FOXO1: variants seen among roughly 807,000 people sequenced by gnomAD.
The protein encoded by FOXO1 is forkhead box protein O1.
FOXO1 carries 6 observed loss-of-function variants against 44.1 expected under a neutral mutation model. The ratio of observed to expected loss-of-function variants is 0.14; its 90% CI spans 0.07 to 0.27. The LOEUF (loss-of-function observed/expected upper bound fraction) is 0.27, where lower values mean the gene tolerates loss of function less well. FOXO1 is among the 10% of genes least tolerant of loss of function. The pLI is 1.00. For missense variants in FOXO1, 737 were observed against 888.8 expected, an observed-to-expected ratio of 0.83 and a Z score of 2.17; for synonymous variants, 380 against 362.7, an observed-to-expected ratio of 1.05 and a Z score of -0.54.
At chr13:40,601,326 A>T (rs1184208740) in intron 1 of FOXO1, among the ~76,000 whole-genome samples, 1 of 152,236 alleles carries the variant, frequency 6.6e-6, no homozygotes, top group Non-Finnish European at 1.5e-5. Flanking sequence ...TGCTGTTAAT[A>T]GTATTTTACA....
At position 40,557,806 on chromosome 13, in the gene FOXO1, G is replaced by C. The variant is rs536241100; in HGVS notation, c.*1243C>G. On this transcript the variant is annotated 3_prime_UTR_variant, in exon 3 of 3. Transcript: ENST00000379561. ...CGTTTGACAAAGGACCATTGCTTTA[G>C]ATGCAGATCTCCCTTTTCTGATCTA... 1 of 152,308 alleles carries C rather than the reference G, an allele frequency of 6.6e-6. No individual in the cohort carries two copies. Among genetic ancestry groups the C allele is most frequent in the East Asian group, 1.9e-4 (1 of 5,190 alleles). 9.4% of individuals were successfully genotyped at this position (152,308 alleles called of 1,614,324 possible). A position where few individuals can be genotyped will look rare whatever the true frequency, so the allele number is the denominator to read the frequency against.
At chr13:40,597,073 A>G (rs1875607290) in intron 1 of FOXO1, among the ~76,000 whole-genome samples, 1 of 152,218 alleles carries the variant, frequency 6.6e-6, no homozygotes, top group Non-Finnish European at 1.5e-5. Flanking sequence ...ATAAGAATGG[A>G]CTGCTCTTTT....
rs547549340 is a variant in FOXO1, at chr13:40,630,699, G to T, written c.630+34884C>A. On this transcript the variant is annotated intron_variant, in intron 1 of 2. Coordinates refer to ENST00000379561, the MANE Select transcript of FOXO1 (RefSeq NM_002015.4). ...GGAAAAGCTTGTCACTTAATGACTG[G>T]CCTGGCAAATAGGGAAAGAGCCTAA... 2.6e-5 allele frequency among the ~76,000 whole-genome samples: 4 copies of T among 151,720 alleles called. No individual in the cohort carries two copies. The South Asian group carries it at 8.3e-4, about 32-fold the overall frequency.
chr13:40,578,315 G>A (rs1264429163), intron 1 of FOXO1, among the ~76,000 whole-genome samples: 1 of 152,112 alleles, frequency 6.6e-6, no homozygotes, highest in Non-Finnish European at 1.5e-5. Context: ...ACCTAACAAA[G>A]CTGACAACTG....
chr13:40,570,016 C>G lies in FOXO1; in HGVS notation c.631-9156G>C, dbSNP rs75013211. On this transcript the variant is annotated intron_variant, in intron 1 of 2. Transcript: ENST00000379561. ...CTATTTACTTTATGGAAAACAAACT[C>G]TAAAAGAGCCCCTAGGCCAGGCGCA... Among the ~76,000 whole-genome samples, 1,141 of 152,158 alleles carry G rather than the reference C, an allele frequency of 7.5e-3. 12 individuals are homozygous for G. Among genetic ancestry groups the G allele is most frequent in the Middle Eastern group, 0.031 (9 of 294 alleles).
chr13:40,580,961 C>T (rs1013043296), intron 1 of FOXO1, among the ~76,000 whole-genome samples: 3 of 152,202 alleles, frequency 2.0e-5, no homozygotes, highest in East Asian at 1.9e-4. Context: ...AAATACCCGG[C>T]GCTTCCGCTA....
At chr13:40,633,470 C>T (rs926141481) in intron 1 of FOXO1, among the ~76,000 whole-genome samples, 7 of 152,082 alleles carry the variant, frequency 4.6e-5, no homozygotes, top group East Asian at 1.9e-4. Context: ...CATGCTACCA[C>T]GGGAATAAAC....
intron 1 of FOXO1, among the ~76,000 whole-genome samples, chr13:40,587,437 T>C (rs1481161129): frequency 6.6e-6 from 1 of 152,132 alleles, no homozygotes; most frequent in Non-Finnish European, 1.5e-5. Flanking sequence ...GTTTTAAACT[T>C]CCCCTTCAAA....
At chr13:40,603,434 T>C (rs1410011791) in intron 1 of FOXO1, among the ~76,000 whole-genome samples, 1 of 151,250 alleles carries the variant, frequency 6.6e-6, no homozygotes, top group Non-Finnish European at 1.5e-5. Context: ...AAAGTATGTA[T>C]ACCTTATATA....
At chr13:40,620,083 G>C (rs909216387) in intron 1 of FOXO1, 1 of 1,014,216 alleles carries the variant, frequency 9.9e-7, no homozygotes, top group Non-Finnish European at 1.5e-6. Flanking sequence ...TATAACTCAA[G>C]TCTTTTTAGA....
chr13:40,615,790 G>C (rs1876404377), intron 1 of FOXO1, among the ~76,000 whole-genome samples: 1 of 152,196 alleles, frequency 6.6e-6, no homozygotes, highest in Admixed American at 6.5e-5. Context: ...GGCGTGAAAG[G>C]AGGCCAAGTG....
At chr13:40,653,442 G>C (rs936279932) in intron 1 of FOXO1, among the ~76,000 whole-genome samples, 3 of 152,160 alleles carry the variant, frequency 2.0e-5, no homozygotes, top group Non-Finnish European at 4.4e-5. Flanking sequence ...CAGAGGAAAT[G>C]CACTAATTTT....
chr13:40,626,393 GACCTC>G (rs1876786328), intron 1 of FOXO1, among the ~76,000 whole-genome samples: 1 of 152,224 alleles, frequency 6.6e-6, no homozygotes, highest in Non-Finnish European at 1.5e-5. Flanking sequence ...AAAGCCTAAT[GACCTC>G]TAAAGCTGTC....
chr13:40,629,648 A>G (rs1472393877), intron 1 of FOXO1, among the ~76,000 whole-genome samples: 1 of 152,190 alleles, frequency 6.6e-6, no homozygotes, highest in Non-Finnish European at 1.5e-5. Flanking sequence ...ATTTCCTTTG[A>G]GCATCATGTT....
chr13:40,607,606 G>C (rs1025699549), intron 1 of FOXO1, among the ~76,000 whole-genome samples: 29 of 152,130 alleles, frequency 1.9e-4, no homozygotes, highest in Admixed American at 1.8e-3. Context: ...CACAGCATTC[G>C]ACAGTCATTA....
chr13:40,623,587 G>C (rs959828784), intron 1 of FOXO1, among the ~76,000 whole-genome samples: 5 of 152,092 alleles, frequency 3.3e-5, no homozygotes, highest in Non-Finnish European at 5.9e-5. Flanking sequence ...TGTGTCATAT[G>C]AACCACTGTA....
At chr13:40,629,819 G>A (rs925486547) in intron 1 of FOXO1, among the ~76,000 whole-genome samples, 3 of 152,190 alleles carry the variant, frequency 2.0e-5, no homozygotes, top group African/African-American at 7.2e-5. Flanking sequence ...GGAGATCACA[G>A]ATTCAAAGTC....
At chr13:40,661,736 G>A (rs948131292) in intron 1 of FOXO1, among the ~76,000 whole-genome samples, 19 of 152,072 alleles carry the variant, frequency 1.2e-4, no homozygotes, top group Admixed American at 2.6e-4. Flanking sequence ...TCTTTCTAAC[G>A]GGATCTCTGT....
At chr13:40,662,016 C>G (rs1878050845) in intron 1 of FOXO1, among the ~76,000 whole-genome samples, 1 of 151,378 alleles carries the variant, frequency 6.6e-6, no homozygotes, top group Non-Finnish European at 1.5e-5. Flanking sequence ...ACTAAAAATA[C>G]AAAAATTAGC....
Sources: allele counts gnomAD v4.1 joint callset (sites outside exome capture counted in the v4.1 genomes callset), GRCh38; gene constraint gnomAD v4.1.1; transcripts MANE v1.5; gene names NCBI Gene and HGNC (gene_info 2026-07-23, HGNC 2026-07-21).